Variants in NFIB observed in about 807,000 individuals in gnomAD.
NFIB encodes the protein nuclear factor 1 B-type.
A neutral mutation model predicts 61.5 loss-of-function variants in NFIB; 11 were observed. The observed-to-expected ratio is 0.18, with a 90% CI of 0.11 to 0.30. NFIB has a LOEUF of 0.30. Among genes scored for constraint, NFIB ranks in the 10% least tolerant of loss-of-function variants. The pLI is 1.00. For synonymous variants in NFIB, 260 were observed against 216.5 expected, an observed-to-expected ratio of 1.20 and a Z score of -1.76; for missense variants, 471 against 608.9, an observed-to-expected ratio of 0.77 and a Z score of 2.38.
chr9:14,381,392 T>C (rs1379196840), intron 1 of NFIB, among the ~76,000 whole-genome samples: 3 of 152,108 alleles, frequency 2.0e-5, no homozygotes, highest in Admixed American at 1.3e-4. Flanking sequence ...GGTTTTACCA[T>C]GTTGCCTAGG....
At chr9:14,392,125 C>CA (rs144062913) in intron 1 of NFIB, among the ~76,000 whole-genome samples, 1,577 of 152,138 alleles carry the variant, frequency 0.01, 31 homozygotes, top group African/African-American at 0.036. Flanking sequence ...ACAAGGTTAT[C>CA]AAAAACAAGG....
At chr9:14,153,954 T>C (rs990084970) in intron 4 of NFIB, among the ~76,000 whole-genome samples, 2 of 152,134 alleles carry the variant, frequency 1.3e-5, no homozygotes, top group Non-Finnish European at 2.9e-5. Context: ...AATTACGTAA[T>C]GAATATAGAT....
intron 6 of NFIB, among the ~76,000 whole-genome samples, chr9:14,139,009 T>C (rs957841876): frequency 6.6e-6 from 1 of 152,148 alleles, no homozygotes; most frequent in Non-Finnish European, 1.5e-5. Context: ...TCATTCTAGT[T>C]CTGTTAGGTC....
chr9:14,130,780 T>C (rs911538779), intron 6 of NFIB, among the ~76,000 whole-genome samples: 6 of 152,160 alleles, frequency 3.9e-5, no homozygotes, highest in African/African-American at 1.2e-4. Flanking sequence ...AACTGTATTA[T>C]GAAGTGATGA....
intron 2 of NFIB, among the ~76,000 whole-genome samples, chr9:14,288,171 C>T (rs1410489415): frequency 6.6e-6 from 1 of 151,970 alleles, no homozygotes; most frequent in Non-Finnish European, 1.5e-5. Context: ...TATATATTGA[C>T]AATTTTGATT....
the NFIB span, among the ~76,000 whole-genome samples, chr9:14,420,972 ACTTAGT>A: frequency 2.0e-5 from 3 of 151,070 alleles, no homozygotes; most frequent in Non-Finnish European, 3.0e-5. Flanking sequence ...TCGTTTTTAA[ACTTAGT>A]CTTAGTTAAT....
chr9:14,148,119 C>A (rs961875822), intron 5 of NFIB, among the ~76,000 whole-genome samples: 1 of 151,926 alleles, frequency 6.6e-6, no homozygotes, highest in East Asian at 1.9e-4. Flanking sequence ...GAATTCTTTT[C>A]TTTTTTTGTT....
chr9:14,276,369 A>G (rs2057999274), intron 2 of NFIB, among the ~76,000 whole-genome samples: 1 of 152,180 alleles, frequency 6.6e-6, no homozygotes, highest in Admixed American at 6.5e-5. Flanking sequence ...GTGCTTTACA[A>G]TTTACAAGTA....
chr9:14,257,780 GA>G (rs2056371497), intron 2 of NFIB, among the ~76,000 whole-genome samples: 1 of 152,140 alleles, frequency 6.6e-6, no homozygotes, highest in Admixed American at 6.5e-5. Context: ...ACGAAAGAAA[GA>G]AACATAATTC....
At chr9:14,355,784 G>A (rs996879227) in intron 1 of NFIB, among the ~76,000 whole-genome samples, 1 of 152,094 alleles carries the variant, frequency 6.6e-6, no homozygotes, top group African/African-American at 2.4e-5. Context: ...GTGAAACCCT[G>A]TCTCTACTAA....
intron 6 of NFIB, 22 bp downstream of exon 6, chr9:14,146,667 G>C (rs746925782): frequency 1.1e-5 from 18 of 1,612,682 alleles, no homozygotes; most frequent in African/African-American, 9.4e-5. Flanking sequence ...ATGGTCTCTA[G>C]AGGCATCTCC....
intron 2 of NFIB, among the ~76,000 whole-genome samples, chr9:14,250,853 T>C (rs975814652): frequency 5.3e-5 from 8 of 152,202 alleles, no homozygotes; most frequent in African/African-American, 1.9e-4. Flanking sequence ...TTCAAAAGAA[T>C]TGGTTTCTCT....
chr9:14,211,409 T>A (rs1331450122), intron 2 of NFIB, among the ~76,000 whole-genome samples: 1 of 152,146 alleles, frequency 6.6e-6, no homozygotes, highest in Non-Finnish European at 1.5e-5. Flanking sequence ...AGGGAATACA[T>A]AAATTGGGTC....
chr9:14,486,216 G>A, the NFIB span, among the ~76,000 whole-genome samples: 3 of 152,148 alleles, frequency 2.0e-5, no homozygotes, highest in Non-Finnish European at 2.9e-5. Flanking sequence ...GGAGATTAGA[G>A]AGGACATAGC....
chr9:14,439,389 T>C, the NFIB span, among the ~76,000 whole-genome samples: 3 of 152,226 alleles, frequency 2.0e-5, no homozygotes, highest in Non-Finnish European at 4.4e-5. Context: ...CTGGGGCTGA[T>C]AGCCTTGGAC....
chr9:14,123,178 A>T lies in NFIB; in HGVS notation c.1060+2454T>A, dbSNP rs1048846076. Among the ~76,000 whole-genome samples the T allele has an allele frequency of 3.3e-5, 5 of 151,358 alleles. No individual in the cohort carries two copies. The East Asian group carries it at 9.8e-4, about 30-fold the overall frequency. On this transcript the variant is annotated intron_variant, in intron 7 of 10. Transcript: ENST00000380953. ...AGGCTGAGGCAGGAGAATTGCTTGAACCTGGGAGGCAGAGGTTGCAGCGAG... is the reference window on the plus strand; with the variant it reads ...AGGCTGAGGCAGGAGAATTGCTTGATCCTGGGAGGCAGAGGTTGCAGCGAG...
intron 6 of NFIB, among the ~76,000 whole-genome samples, chr9:14,128,242 T>C (rs903204733): frequency 2.0e-5 from 3 of 152,168 alleles, no homozygotes; most frequent in Non-Finnish European, 4.4e-5. Context: ...TTCCAAATTT[T>C]TAATTTAAAA....
the NFIB span, among the ~76,000 whole-genome samples, chr9:14,456,345 C>A: frequency 6.6e-6 from 1 of 151,938 alleles, no homozygotes; most frequent in East Asian, 1.9e-4. Flanking sequence ...TTAAATTCAA[C>A]TACTTAATAA....
Position 14,295,512 on chromosome 9 carries a change from T to C in NFIB, c.562+11477A>G, listed in dbSNP as rs1447321656. Among the ~76,000 whole-genome samples the C allele has an allele frequency of 2.0e-5, 3 of 151,210 alleles. No individual in the cohort carries two copies. In the South Asian group the frequency reaches 6.3e-4, roughly 32 times the overall value. On this transcript the variant is annotated intron_variant, in intron 2 of 10. Coordinates refer to ENST00000380953, the MANE Select transcript of NFIB (RefSeq NM_001190737.2). ...CGGGCGTGGGGAAGGGCGCCTGTAG[T>C]CCCAGCTACTCGGCAAGCTGAGGCA...
Sources: gnomAD v4.1 joint callset for allele counts (sites outside exome capture counted in the v4.1 genomes callset) on GRCh38, gnomAD v4.1.1 for gene constraint, MANE v1.5 for transcripts, NCBI Gene and HGNC (gene_info 2026-07-23, HGNC 2026-07-21) for gene names.